The following GABRR2 variants were observed in gnomAD, a reference collection of about 807,000 sequenced individuals.
The protein encoded by GABRR2 is gamma-aminobutyric acid receptor subunit rho-2.
A neutral mutation model predicts 47.0 loss-of-function variants in GABRR2; 36 were observed. The observed-to-expected ratio is 0.77, with a 90% CI of 0.59 to 1.01. The LOEUF is 1.01. GABRR2 is among the 50% of genes least tolerant of loss of function. The pLI, the probability that GABRR2 is intolerant of heterozygous loss-of-function variation, is 0.00. For missense variants in GABRR2, 587 were observed against 594.6 expected, an observed-to-expected ratio of 0.99 and a Z score of 0.13; for synonymous variants, 204 against 227.5, an observed-to-expected ratio of 0.90 and a Z score of 0.93.
chr6:89,287,982 G>C (rs769190226), intron 2 of GABRR2, among the ~76,000 whole-genome samples: 3 of 152,202 alleles, frequency 2.0e-5, no homozygotes, highest in Non-Finnish European at 2.9e-5. Flanking sequence ...GCCACACAGT[G>C]AGAGACAGAG....
intron 2 of GABRR2, among the ~76,000 whole-genome samples, chr6:89,293,270 T>C (rs1774501162): frequency 6.6e-6 from 1 of 152,112 alleles, no homozygotes; most frequent in South Asian, 2.1e-4. Flanking sequence ...GAAAGTTGAA[T>C]GGTGGTTGCC....
At chr6:89,258,332 C>A (rs1450496934) in intron 8 of GABRR2, among the ~76,000 whole-genome samples, 3 of 152,148 alleles carry the variant, frequency 2.0e-5, no homozygotes, top group African/African-American at 7.2e-5. Flanking sequence ...TGAGACCACA[C>A]AGCTGGTGTC....
At chr6:89,306,003 A>G (rs139660971) in intron 1 of GABRR2, among the ~76,000 whole-genome samples, 26 of 152,226 alleles carry the variant, frequency 1.7e-4, no homozygotes, top group Non-Finnish European at 3.4e-4. Flanking sequence ...AATAAATATA[A>G]ATAAATAAAT....
intron 2 of GABRR2, among the ~76,000 whole-genome samples, chr6:89,297,410 A>G (rs1019924445): frequency 3.3e-5 from 5 of 152,190 alleles, no homozygotes; most frequent in South Asian, 4.1e-4. Flanking sequence ...GACCTGGGAC[A>G]TTTACTTCAC....
At position 89,265,746 on chromosome 6, in the gene GABRR2, G is replaced by T. The variant is rs755950887; in HGVS notation, c.756C>A (p.Tyr252Ter). The T allele has an allele frequency of 6.2e-7, 1 of 1,613,998 alleles. No homozygotes were observed. Among genetic ancestry groups the T allele is most frequent in the Non-Finnish European group, 8.5e-7 (1 of 1,180,016 alleles). ...YSSTGWYNRL[Y>*]INFTLRRHIF... ...TGTGGCGACGCAACGTGAAGTTAAT[G>T]TACAGACGGTTGTACCAGCCTAGGG... is the stretch of plus-strand genomic sequence containing the variant. The change falls in exon 7 of 9, where the codon TAC (tyrosine) becomes TAA (stop). Residue 252 changes from tyrosine (Y) to a stop codon, truncating the protein, a stop_gained. Coordinates refer to ENST00000402938, the MANE Select transcript of GABRR2 (RefSeq NM_002043.5). LOFTEE classifies it high-confidence loss of function.
intron 1 of GABRR2, 76 bp downstream of exon 1, chr6:89,314,977 G>A (rs1582470755): frequency 7.6e-7 from 1 of 1,317,128 alleles, no homozygotes. Flanking sequence ...TTAGCCCCCT[G>A]GGGAGCCATC....
Position 89,292,702 on chromosome 6 carries a change from C to A in GABRR2, c.220+7057G>T, listed in dbSNP as rs144090768. ...GATATATATCAGATATATATCGTAT[C>A]TCTGATATATATCAGATATATATCG... On this transcript the variant is annotated intron_variant, in intron 2 of 8. Transcript: ENST00000402938. Among the ~76,000 whole-genome samples, 144 of 129,596 alleles carry A rather than the reference C, an allele frequency of 1.1e-3. 11 individuals carry two copies. The highest frequency in any genetic ancestry group is 2.0e-3 in the South Asian group (8 of 4,038). 85.0% of individuals were successfully genotyped at this position (129,596 alleles called of 152,430 possible). A position where few individuals can be genotyped will look rare whatever the true frequency, so the allele number is the denominator to read the frequency against.
chr6:89,308,594 G>A (rs557136672), intron 1 of GABRR2, among the ~76,000 whole-genome samples: 6 of 152,212 alleles, frequency 3.9e-5, no homozygotes, highest in South Asian at 2.1e-4. Flanking sequence ...AGGGCTTTCC[G>A]ATTTACACCC....
chr6:89,306,792 AGAG>A (rs1562392129), intron 1 of GABRR2, among the ~76,000 whole-genome samples: 1 of 150,474 alleles, frequency 6.6e-6, no homozygotes, highest in African/African-American at 2.4e-5. Flanking sequence ...ACAAAAAAAA[AGAG>A]AGAGAAAAGG....
At chr6:89,282,062 A>C in intron 2 of GABRR2, among the ~76,000 whole-genome samples, 1 of 150,576 alleles carries the variant, frequency 6.6e-6, no homozygotes, top group Admixed American at 6.6e-5. Flanking sequence ...CTGCATCACT[A>C]CTCCTTCCTC....
intron 2 of GABRR2, among the ~76,000 whole-genome samples, chr6:89,288,957 C>G (rs904467197): frequency 3.9e-5 from 6 of 152,168 alleles, no homozygotes; most frequent in Admixed American, 3.9e-4. Context: ...TTTTTAATCA[C>G]TACACTGTGA....
At chr6:89,275,384 A>G (rs757637110) in intron 2 of GABRR2, among the ~76,000 whole-genome samples, 1 of 151,980 alleles carries the variant, frequency 6.6e-6, no homozygotes, top group Non-Finnish European at 1.5e-5. Flanking sequence ...AGCGATTCTC[A>G]TGCCTCAGCC....
At chr6:89,289,586 T>C (rs748599501) in intron 2 of GABRR2, among the ~76,000 whole-genome samples, 1 of 151,982 alleles carries the variant, frequency 6.6e-6, no homozygotes, top group Non-Finnish European at 1.5e-5. Flanking sequence ...GTGGAGAACA[T>C]GGGTGTAAGG....
At chr6:89,297,081 C>T (rs1247282486) in intron 2 of GABRR2, among the ~76,000 whole-genome samples, 3 of 152,244 alleles carry the variant, frequency 2.0e-5, no homozygotes, top group East Asian at 3.9e-4. Flanking sequence ...CCACAAAAGA[C>T]CACACTGAGG....
chr6:89,261,429 G>A (rs1773743375), intron 8 of GABRR2, among the ~76,000 whole-genome samples: 4 of 152,082 alleles, frequency 2.6e-5, no homozygotes, highest in Admixed American at 2.6e-4. Flanking sequence ...CTTGGTCAAG[G>A]GGACCCCAGA....
chr6:89,267,856 C>T (rs372498125), intron 5 of GABRR2, 37 bp from the exon 6 acceptor site: 22 of 1,604,478 alleles, frequency 1.4e-5, no homozygotes, highest in Non-Finnish European at 1.7e-5. Flanking sequence ...TTGACTCCTT[C>T]GCTTCTGATG....
intron 7 of GABRR2, among the ~76,000 whole-genome samples, chr6:89,265,294 G>T (rs1773865287): frequency 6.6e-6 from 1 of 152,106 alleles, no homozygotes; most frequent in Non-Finnish European, 1.5e-5. Context: ...ATTTACAGAA[G>T]GAATTGTTGG....
At chr6:89,308,398 T>C (rs1048847233) in intron 1 of GABRR2, among the ~76,000 whole-genome samples, 1 of 152,230 alleles carries the variant, frequency 6.6e-6, no homozygotes, top group African/African-American at 2.4e-5. Flanking sequence ...ATGTGTTCGA[T>C]AGCCCCATGC....
At chr6:89,306,813 G>A (rs1767566960) in intron 1 of GABRR2, among the ~76,000 whole-genome samples, 1 of 152,014 alleles carries the variant, frequency 6.6e-6, no homozygotes, top group Non-Finnish European at 1.5e-5. Flanking sequence ...AGGAAAGAAG[G>A]AAAGAGAAAA....
Sources: gnomAD v4.1 joint callset for allele counts (sites outside exome capture counted in the v4.1 genomes callset) on GRCh38, gnomAD v4.1.1 for gene constraint, MANE v1.5 for transcripts, NCBI Gene and HGNC (gene_info 2026-07-23, HGNC 2026-07-21) for gene names.